The following INO80 variants were observed in gnomAD, a reference collection of about 807,000 sequenced individuals.
INO80 encodes the protein INO80 complex ATPase subunit, also known as chromatin-remodeling ATPase INO80.
A neutral mutation model predicts 203.4 loss-of-function variants in INO80; 20 were observed. The ratio of observed to expected loss-of-function variants is 0.10; its 90% CI spans 0.07 to 0.14. The LOEUF is 0.14. Among genes scored for constraint, INO80 ranks in the 10% least tolerant of loss-of-function variants. The pLI is 1.00. For missense variants in INO80, 1,419 were observed against 1,914.4 expected (o/e 0.74, Z 4.83); for synonymous variants, 726 against 685.2 (o/e 1.06, Z -0.93).
At chr15:41,036,814 G>A (rs556645332) in intron 24 of INO80, among the ~76,000 whole-genome samples, 55 of 152,288 alleles carry the variant, frequency 3.6e-4, no homozygotes, top group Middle Eastern at 3.4e-3. Flanking sequence ...AGGCACGGTG[G>A]CTCACGACTG....
chr15:41,079,588 AAAC>A, intron 9 of INO80, 110 bp downstream of exon 9: 7 of 1,040,654 alleles, frequency 6.7e-6, no homozygotes, highest in African/African-American at 3.2e-5. Context: ...AAAAAAAAAA[AAAC>A]AAAAAATTGA....
Position 41,058,719 on chromosome 15 carries a change from C to T in INO80, c.1905G>A (p.Val635=), listed in dbSNP as rs2045046039. Residue 635 remains valine (V), a synonymous_variant, in exon 16 of 36, where the codon GTG becomes GTA. Transcript: ENST00000648947. The part of the protein sequence containing the change: ...HVVITSYQLV[V]QDVKYFQRVK... ...CCCGCTGGAAATACTTTACATCCTGCACCACCAGCTGATAGCTGGTAATAA... is the reference window on the plus strand; with the variant it reads ...CCCGCTGGAAATACTTTACATCCTGTACCACCAGCTGATAGCTGGTAATAA... The T allele has an allele frequency of 6.2e-7, 1 of 1,613,974 alleles. No individual in the cohort carries two copies. Among genetic ancestry groups the T allele is most frequent in the African/African-American group, 1.3e-5 (1 of 74,994 alleles).
At chr15:41,023,311 A>G (rs1566914897) in intron 25 of INO80, 1 of 456,016 alleles carries the variant, frequency 2.2e-6, no homozygotes, top group Non-Finnish European at 4.4e-6. Flanking sequence ...CGTGGGTCAG[A>G]GCAAACATCT....
At chr15:41,008,706 A>G (rs1281984916) in intron 27 of INO80, among the ~76,000 whole-genome samples, 6 of 152,230 alleles carry the variant, frequency 3.9e-5, no homozygotes, top group Admixed American at 2.6e-4. Flanking sequence ...AGGGAAGGCA[A>G]GGCAGTTTCC....
chr15:41,009,968 A>T (rs2044109467), intron 27 of INO80, among the ~76,000 whole-genome samples: 1 of 152,170 alleles, frequency 6.6e-6, no homozygotes, highest in South Asian at 2.1e-4. Flanking sequence ...CCCCTCTAAT[A>T]TATAAAATAG....
rs1423460342 is a variant in INO80 at position 40,979,635 on chromosome 15, T to C, written c.*588A>G. Reference sequence around the variant, plus strand: ...AGGAATTGCTGGGAACACAACTGCCTGTGGATAGACTTCCTCTAGCCTCTA... The same window carrying C: ...AGGAATTGCTGGGAACACAACTGCCCGTGGATAGACTTCCTCTAGCCTCTA... On this transcript the variant is annotated 3_prime_UTR_variant, in exon 36 of 36. Transcript: ENST00000648947. 1.9e-5 allele frequency: 3 copies of C among 156,562 alleles called. No homozygotes were observed. The highest frequency in any genetic ancestry group is 1.4e-5 in the Non-Finnish European group (1 of 70,598). The allele number at this position is 156,562 out of a possible 1,614,324, so 9.7% of individuals were successfully genotyped here.
chr15:40,981,649 T>C (rs1004423059), intron 35 of INO80, among the ~76,000 whole-genome samples: 4 of 152,208 alleles, frequency 2.6e-5, no homozygotes, highest in Non-Finnish European at 2.9e-5. Context: ...AGCCCACGTA[T>C]TGAATGGGAA....
intron 28 of INO80, among the ~76,000 whole-genome samples, chr15:40,998,995 C>CACAT (rs2043920532): frequency 6.6e-6 from 1 of 151,292 alleles, no homozygotes; most frequent in South Asian, 2.1e-4. Flanking sequence ...CACACACACA[C>CACAT]ACACACACAC....
intron 4 of INO80, among the ~76,000 whole-genome samples, chr15:41,094,818 A>G (rs539341952): frequency 2.6e-5 from 4 of 152,252 alleles, no homozygotes; most frequent in Admixed American, 2.0e-4. Flanking sequence ...TTGAGCACCA[A>G]TAAGATGCCA....
At chr15:40,989,191 C>G (rs1444667328) in intron 29 of INO80, among the ~76,000 whole-genome samples, 5 of 152,138 alleles carry the variant, frequency 3.3e-5, no homozygotes, top group Admixed American at 2.6e-4. Context: ...AAACAAAACA[C>G]TGGGGCTATG....
At chr15:41,002,590 A>G (rs1289738278) in intron 28 of INO80, among the ~76,000 whole-genome samples, 3 of 152,336 alleles carry the variant, frequency 2.0e-5, no homozygotes, top group Admixed American at 6.5e-5. Context: ...GTTGGGGTCT[A>G]TATTAGCAGA....
chr15:41,067,981 T>C (rs544262172), intron 14 of INO80, among the ~76,000 whole-genome samples: 1 of 152,352 alleles, frequency 6.6e-6, no homozygotes, highest in South Asian at 2.1e-4. Context: ...AATCAATGTC[T>C]TGCCCAATGG....
At chr15:41,038,481 G>A (rs1181831889) in intron 24 of INO80, among the ~76,000 whole-genome samples, 1 of 151,998 alleles carries the variant, frequency 6.6e-6, no homozygotes, top group South Asian at 2.1e-4. Flanking sequence ...TTACAACTGG[G>A]CTTCTGCCTT....
intron 28 of INO80, among the ~76,000 whole-genome samples, chr15:40,998,256 C>T (rs974728362): frequency 3.3e-5 from 5 of 151,892 alleles, no homozygotes; most frequent in Admixed American, 3.3e-4. Flanking sequence ...CTCCTGACCT[C>T]GTGATCCGCC....
chr15:41,017,894 C>T (rs2044234648), intron 26 of INO80: 2 of 152,360 alleles, frequency 1.3e-5, no homozygotes, highest in Middle Eastern at 3.4e-3. Flanking sequence ...ACAGAATTGA[C>T]TGCTAAGCCC....
chr15:40,981,226 C>T (rs1268180343), intron 35 of INO80, among the ~76,000 whole-genome samples: 1 of 152,194 alleles, frequency 6.6e-6, no homozygotes, highest in Admixed American at 6.5e-5. Flanking sequence ...CCTTGATTTC[C>T]ATTTCCAGTT....
In INO80 at chr15:41,079,692, T is replaced by C; in HGVS notation, c.1131+9A>G. ...TTAGGGTTTTCAAAATGTTATGCTT[T>C]TGCCCTACCTCCCGCATTTCCTCAT... On this transcript the variant is annotated intron_variant, in intron 9 of 35. Coordinates refer to ENST00000648947, the MANE Select transcript of INO80 (RefSeq NM_017553.3). 1 of 1,613,792 alleles carries C rather than the reference T, an allele frequency of 6.2e-7. No homozygotes were observed. Among genetic ancestry groups the C allele is most frequent in the Non-Finnish European group, 8.5e-7 (1 of 1,179,664 alleles).
chr15:40,983,254 T>C (rs1443253091), intron 34 of INO80, 177 bp from the exon 35 acceptor site: 5 of 589,344 alleles, frequency 8.5e-6, no homozygotes, highest in Non-Finnish European at 1.5e-5. Context: ...CACAGAATAC[T>C]AAGAATTCTA....
intron 28 of INO80, among the ~76,000 whole-genome samples, chr15:41,002,817 C>T (rs7165020): frequency 0.074 from 11,227 of 152,170 alleles, 1,201 homozygotes; most frequent in African/African-American, 0.24. Flanking sequence ...AAAATGTTGT[C>T]GGCAAGGCTG....
Sources: gnomAD v4.1 joint callset for allele counts (sites outside exome capture counted in the v4.1 genomes callset) on GRCh38, gnomAD v4.1.1 for gene constraint, MANE v1.5 for transcripts, NCBI Gene and HGNC (gene_info 2026-07-23, HGNC 2026-07-21) for gene names.